CACNA1A: variants seen among roughly 807,000 people sequenced by gnomAD.
CACNA1A encodes calcium voltage-gated channel subunit alpha1 A.
Under a neutral mutation model 262.4 loss-of-function variants are expected in CACNA1A, and 57 were observed. The ratio of observed to expected loss-of-function variants is 0.22; its 90% confidence interval spans 0.18 to 0.27. The LOEUF (loss-of-function observed/expected upper bound fraction) is 0.27. CACNA1A is among the 10% of genes least tolerant of loss of function. The pLI is 1.00. For missense variants in CACNA1A, 2,526 were observed against 3,562.8 expected (o/e 0.71, Z 7.41); for synonymous variants, 1,431 against 1,419.3 (o/e 1.01, Z -0.18).
chr19:13,469,161 C>T (rs1225927752), intron 1 of CACNA1A, among the ~76,000 whole-genome samples: 3 of 152,174 alleles, frequency 2.0e-5, no homozygotes, highest in Non-Finnish European at 4.4e-5. Flanking sequence ...TGCTGCTGGG[C>T]TCAATGGGAA....
intron 1 of CACNA1A, among the ~76,000 whole-genome samples, chr19:13,478,698 A>C (rs1300170636): frequency 6.6e-6 from 1 of 152,234 alleles, no homozygotes; most frequent in East Asian, 1.9e-4. Flanking sequence ...ATAATGGCCC[A>C]AACGAGAATC....
rs756038056 is a variant in CACNA1A, at chr19:13,298,793, G to C, written c.2840C>G (p.Pro947Arg). Reference protein sequence around the residue: ...GGSRESRSGSPRTGADGEHRR... With the variant: ...GGSRESRSGSRRTGADGEHRR... ...ATGCTCCCCGTCCGCGCCCGTGCGC[G>C]GGGACCCGCTGCGGCTCTCCCTGCT... Residue 947 changes from proline (P) to arginine (R), a missense_variant, in exon 19 of 47, where the codon CCG becomes CGG. Transcript: ENST00000360228. 1.3e-6 allele frequency: 2 copies of C among 1,545,428 alleles called. No individual in the cohort carries two copies. The highest frequency in any genetic ancestry group is 1.4e-5 in the African/African-American group (1 of 70,784).
chr19:13,224,283 C>T (rs1468158327), intron 38 of CACNA1A, among the ~76,000 whole-genome samples: 6 of 150,832 alleles, frequency 4.0e-5, no homozygotes, highest in Admixed American at 2.0e-4. Context: ...AAGATCACAC[C>T]ACTGCACTTC....
At chr19:13,501,075 AT>A (rs1266953759) in intron 1 of CACNA1A, among the ~76,000 whole-genome samples, 1 of 152,178 alleles carries the variant, frequency 6.6e-6, no homozygotes, top group Non-Finnish European at 1.5e-5. Flanking sequence ...TTTAGGGTTG[AT>A]GAAACTGTCC....
chr19:13,386,572 T>G (rs1568596336), intron 3 of CACNA1A, among the ~76,000 whole-genome samples: 3 of 152,122 alleles, frequency 2.0e-5, no homozygotes, highest in Non-Finnish European at 2.9e-5. Flanking sequence ...GTGCATCACC[T>G]GAGGTCAGGA....
chr19:13,216,465 G>A (rs1023000587), intron 38 of CACNA1A, among the ~76,000 whole-genome samples: 6 of 151,972 alleles, frequency 3.9e-5, no homozygotes, highest in African/African-American at 1.5e-4. Context: ...AGCCTCCTGA[G>A]TAGCTGGGAT....
chr19:13,416,271 AT>A (rs2060219787), intron 3 of CACNA1A, among the ~76,000 whole-genome samples: 1 of 137,042 alleles, frequency 7.3e-6, no homozygotes, highest in Admixed American at 7.7e-5. Flanking sequence ...TGGCTAATTT[AT>A]TTTTATTTTT....
At chr19:13,475,584 G>T (rs1420230902) in intron 1 of CACNA1A, among the ~76,000 whole-genome samples, 1 of 152,168 alleles carries the variant, frequency 6.6e-6, no homozygotes, top group Admixed American at 6.5e-5. Context: ...AATGTTAGCT[G>T]AACAAGGTAA....
At chr19:13,318,272 A>G (rs1365527998) in intron 10 of CACNA1A, among the ~76,000 whole-genome samples, 3 of 152,148 alleles carry the variant, frequency 2.0e-5, no homozygotes, top group Non-Finnish European at 4.4e-5. Flanking sequence ...AGGAAACAGC[A>G]AATTTAAGGT....
chr19:13,297,739 G>A (rs901866988), intron 19 of CACNA1A, among the ~76,000 whole-genome samples: 2 of 152,162 alleles, frequency 1.3e-5, no homozygotes, highest in Non-Finnish European at 2.9e-5. Context: ...CTTGAGCCCG[G>A]GAGGTAGAGG....
chr19:13,230,822 AG>A (rs1286817051), intron 35 of CACNA1A, among the ~76,000 whole-genome samples: 1 of 149,868 alleles, frequency 6.7e-6, no homozygotes, highest in African/African-American at 2.5e-5. Flanking sequence ...AAAAAAAAAA[AG>A]AGAGAGAGAG....
intron 10 of CACNA1A, among the ~76,000 whole-genome samples, chr19:13,318,306 C>T (rs1290697421): frequency 4.6e-5 from 7 of 151,948 alleles, no homozygotes; most frequent in African/African-American, 9.7e-5. Flanking sequence ...TGTGTCTGCC[C>T]GACATTTTTG....
At position 13,290,409 on chromosome 19, in the gene CACNA1A, T is replaced by C. The variant is rs2057507274; in HGVS notation, c.3090-3443A>G. On this transcript the variant is annotated intron_variant, in intron 19 of 46. Coordinates refer to ENST00000360228, the MANE Select transcript of CACNA1A (RefSeq NM_001127222.2). ...GTGTGTGTGTCTGTGTGTGTCTGTG[T>C]GTGTATAATAATAATAATATATTTT... Among the ~76,000 whole-genome samples the C allele has an allele frequency of 2.0e-5, 3 of 148,652 alleles. No homozygotes were observed. In the South Asian group the frequency reaches 6.5e-4, roughly 32 times the overall value.
At position 13,449,702 on chromosome 19, in the gene CACNA1A, G is replaced by A. The variant is rs549632142; in HGVS notation, c.539+3174C>T. Reference sequence around the variant, plus strand: ...ATATTTTGAAGTGTAAAAATAGGTAGCATATATTTCTTATATACTTAGGCA... The same window carrying A: ...ATATTTTGAAGTGTAAAAATAGGTAACATATATTTCTTATATACTTAGGCA... On this transcript the variant is annotated intron_variant, in intron 3 of 46. Coordinates refer to ENST00000360228, the MANE Select transcript of CACNA1A (RefSeq NM_001127222.2). 1.4e-3 allele frequency among the ~76,000 whole-genome samples: 207 copies of A among 152,264 alleles called. 1 individual carries two copies. The highest frequency in any genetic ancestry group is 2.6e-3 in the Non-Finnish European group (174 of 68,034).
chr19:13,346,321 G>A (rs981595114), intron 6 of CACNA1A, among the ~76,000 whole-genome samples: 5 of 151,968 alleles, frequency 3.3e-5, no homozygotes, highest in Non-Finnish European at 7.4e-5. Context: ...CCTGCCTCAG[G>A]ACCTTTGCAC....
chr19:13,362,582 A>G (rs993221852), intron 5 of CACNA1A: 2 of 152,148 alleles, frequency 1.3e-5, no homozygotes, highest in African/African-American at 4.8e-5. Flanking sequence ...GCCTCAAGGG[A>G]TACTCCCACC....
chr19:13,268,573 C>G (rs2056926744), intron 24 of CACNA1A, among the ~76,000 whole-genome samples: 1 of 151,842 alleles, frequency 6.6e-6, no homozygotes, highest in Non-Finnish European at 1.5e-5. Flanking sequence ...GCTGGGACTA[C>G]AGGCGCCCAC....
chr19:13,436,546 CTCAT>C (rs112868956), intron 3 of CACNA1A, among the ~76,000 whole-genome samples: 5,966 of 151,704 alleles, frequency 0.039, 365 homozygotes, highest in African/African-American at 0.14. Flanking sequence ...CATTCATTCA[CTCAT>C]TCATTCATCC....
In CACNA1A at chr19:13,295,279, C is replaced by T. The variant is rs376067370; in HGVS notation, c.3089+3265G>A. On this transcript the variant is annotated intron_variant, in intron 19 of 46. Transcript: ENST00000360228. ...AACTGTTGTAGAACTACGTGGAAAC[C>T]TAATAACATAATGATTGAGGGGCAC... Among the ~76,000 whole-genome samples the T allele has an allele frequency of 2.0e-5, 3 of 152,190 alleles. No homozygotes were observed. In the East Asian group the frequency reaches 5.8e-4, roughly 29 times the overall value.
Sources: gnomAD v4.1 joint callset for allele counts (sites outside exome capture counted in the v4.1 genomes callset) on GRCh38, gnomAD v4.1.1 for gene constraint, MANE v1.5 for transcripts, NCBI Gene and HGNC (gene_info 2026-07-23, HGNC 2026-07-21) for gene names.